Variants in DBF4B observed in about 807,000 individuals in gnomAD.
DBF4B encodes the protein DBF4B-CDC7 kinase regulatory subunit, also known as protein DBF4 homolog B.
DBF4B carries 49 observed loss-of-function variants against 53.4 expected under a neutral mutation model. That is an observed-to-expected ratio of 0.92 (90% confidence interval 0.73 to 1.16). DBF4B has a LOEUF of 1.16. DBF4B is among the 50% of genes most tolerant of loss of function. The probability of loss-of-function intolerance (pLI) is 0.00; values close to 1 mark genes in which losing one functional copy is unlikely to be tolerated. For missense variants in DBF4B, 692 were observed against 775.0 expected, an observed-to-expected ratio of 0.89 and a Z score of 1.27; for synonymous variants, 257 against 288.7, an observed-to-expected ratio of 0.89 and a Z score of 1.11.
chr17:44,744,085 C>A (rs1210778097), intron 10 of DBF4B, among the ~76,000 whole-genome samples: 2 of 47,532 alleles, frequency 4.2e-5, no homozygotes, highest in Non-Finnish European at 9.6e-5. Context: ...GAGACCACCC[C>A]CCCCCCCCCC....
intron 3 of DBF4B, among the ~76,000 whole-genome samples, chr17:44,728,407 G>A (rs970988246): frequency 6.6e-6 from 1 of 152,154 alleles, no homozygotes; most frequent in Admixed American, 6.6e-5. Flanking sequence ...TTGCAAAGGA[G>A]TGGGTATACT....
intron 7 of DBF4B, among the ~76,000 whole-genome samples, chr17:44,734,502 T>C (rs1378295728): frequency 6.6e-6 from 1 of 152,364 alleles, no homozygotes; most frequent in South Asian, 2.1e-4. Context: ...ATTCTGGAAC[T>C]TTCCCTGTAC....
intron 2 of DBF4B, among the ~76,000 whole-genome samples, chr17:44,712,301 C>CTTTT (rs1163777667): frequency 0.031 from 2,244 of 71,970 alleles, 17 homozygotes; most frequent in Middle Eastern, 0.042. Context: ...ATTATGTCTT[C>CTTTT]TTTTTTTTTT....
chr17:44,747,294 T>C, intron 11 of DBF4B, 97 bp from the exon 12 acceptor site: 1 of 1,595,786 alleles, frequency 6.3e-7, no homozygotes, highest in Non-Finnish European at 8.6e-7. Context: ...GCTATGGCTG[T>C]CCTCCAGGGC....
intron 9 of DBF4B, 105 bp from the exon 10 acceptor site, chr17:44,741,231 A>G: frequency 1.3e-6 from 1 of 780,004 alleles, no homozygotes; most frequent in Non-Finnish European, 2.3e-6. Flanking sequence ...TGTGGAGGTG[A>G]GAGTCCACTT....
chr17:44,742,238 C>G (rs1976121404), intron 10 of DBF4B, among the ~76,000 whole-genome samples: 1 of 151,434 alleles, frequency 6.6e-6, no homozygotes, highest in Admixed American at 6.6e-5. Flanking sequence ...CCCTTCTCTA[C>G]TAAAAATGCA....
Position 44,747,591 on chromosome 17 carries a change from G to A in DBF4B, c.1064+76G>A, listed in dbSNP as rs115453778. 1,521 of 1,564,540 alleles carry A rather than the reference G, an allele frequency of 9.7e-4. 4 individuals carry two copies. Among genetic ancestry groups the A allele is most frequent in the African/African-American group, 6.9e-3 (513 of 74,148 alleles). ...CCTCTGGGTGGGAAGAGACCCTCAG[G>A]TTGGTGGCTGCTGGGACCAGACTGT... On this transcript the variant is annotated intron_variant, in intron 12 of 13. Coordinates refer to ENST00000315005, the MANE Select transcript of DBF4B (RefSeq NM_145663.3).
rs368559759 is a variant in DBF4B, at chr17:44,750,921, G to A, written c.1516G>A (p.Ala506Thr). 1 of 1,614,200 alleles carries A rather than the reference G, an allele frequency of 6.2e-7. No individual in the cohort carries two copies. Among genetic ancestry groups the A allele is most frequent in the African/African-American group, 1.3e-5 (1 of 75,030 alleles). ...TGAAGCCAGACCGTGGCTTATGTCT[G>A]CACGCTGCTGGGTTCGTCCCTTTCC... Reference protein sequence around the residue: ...FPEARPWLMSARCWVRPFPFV... With the variant: ...FPEARPWLMSTRCWVRPFPFV... Residue 506 changes from alanine (A) to threonine (T), a missense_variant, in exon 14 of 14, where the codon GCA becomes ACA. Coordinates refer to ENST00000315005, the MANE Select transcript of DBF4B (RefSeq NM_145663.3).
In DBF4B at chr17:44,747,416, G is replaced by A. The variant is rs751383881; in HGVS notation, c.965G>A (p.Ser322Asn). 31 of 1,614,036 alleles carry A rather than the reference G, an allele frequency of 1.9e-5. No homozygotes were observed. Among genetic ancestry groups the A allele is most frequent in the Non-Finnish European group, 2.6e-5 (31 of 1,180,052 alleles). The change falls in exon 12 of 14, where the codon AGC becomes AAC. Residue 322 changes from serine to asparagine, a missense_variant. Coordinates refer to ENST00000315005, the MANE Select transcript of DBF4B (RefSeq NM_145663.3). ...CATCTTCAGAGTGCCCAGCACCGGA[G>A]CTTTGCCCTGGAAGCCCATCTATAT... ...HVHLQSAQHR[S>N]FALEAHLYAE...
chr17:44,732,326 A>G, intron 6 of DBF4B, 61 bp downstream of exon 6: 4 of 1,549,894 alleles, frequency 2.6e-6, no homozygotes, highest in Non-Finnish European at 3.5e-6. Flanking sequence ...CAGGAGTGTC[A>G]GCTTTTAGAA....
chr17:44,731,303 C>G, intron 5 of DBF4B: 1 of 353,628 alleles, frequency 2.8e-6, no homozygotes, highest in Non-Finnish European at 5.5e-6. Context: ...GTACAGAAGC[C>G]AGACTTCTTT....
intron 2 of DBF4B, chr17:44,720,153 C>A: frequency 3.0e-6 from 1 of 328,760 alleles, no homozygotes; most frequent in South Asian, 3.2e-5. Context: ...TGGTGATGAT[C>A]AGAATCGTCC....
At chr17:44,720,274 T>G (rs1276128436) in intron 2 of DBF4B, 7 of 283,958 alleles carry the variant, frequency 2.5e-5, no homozygotes, top group Non-Finnish European at 4.2e-5. Context: ...CTAGGCATTT[T>G]GTGAAGTTTA....
intron 5 of DBF4B, 118 bp from the exon 6 acceptor site, chr17:44,732,060 T>TC (rs1251267744): frequency 2.2e-6 from 2 of 889,820 alleles, no homozygotes; most frequent in Non-Finnish European, 1.8e-6. Flanking sequence ...CCTACCTGCC[T>TC]CCCTGCAGTC....
intron 3 of DBF4B, among the ~76,000 whole-genome samples, chr17:44,728,910 A>G (rs1012346740): frequency 2.6e-5 from 4 of 152,148 alleles, no homozygotes; most frequent in African/African-American, 9.7e-5. Flanking sequence ...CAGCCTGGCC[A>G]ACATGGTGAA....
Position 44,708,767 on chromosome 17 carries a change from A to G in DBF4B, c.-54A>G. ...AAGAGCTCATGGAGCTCGCGAATGT[A>G]ATACGGAGGCCTCTGAGGAAGGAGT... is the stretch of plus-strand genomic sequence containing the variant. On this transcript the variant is annotated 5_prime_UTR_variant, in exon 1 of 14. It removes the in-frame stop codon of an upstream open reading frame in the 5' UTR. Coordinates refer to ENST00000315005, the MANE Select transcript of DBF4B (RefSeq NM_145663.3). The G allele has an allele frequency of 1.9e-6, 3 of 1,545,302 alleles. No individual in the cohort carries two copies. The highest frequency in any genetic ancestry group is 2.6e-6 in the Non-Finnish European group (3 of 1,143,300).
intron 2 of DBF4B, among the ~76,000 whole-genome samples, chr17:44,714,111 G>A (rs1320164899): frequency 6.6e-6 from 1 of 152,108 alleles, no homozygotes; most frequent in Non-Finnish European, 1.5e-5. Flanking sequence ...TTGTAAGTGG[G>A]AGCTAAGCTG....
intron 3 of DBF4B, among the ~76,000 whole-genome samples, chr17:44,724,541 C>G (rs1170428894): frequency 6.6e-6 from 1 of 152,176 alleles, no homozygotes; most frequent in African/African-American, 2.4e-5. Context: ...CCACGCCCGG[C>G]TAATTTTTTT....
intron 2 of DBF4B, among the ~76,000 whole-genome samples, chr17:44,722,591 G>A (rs80280887): frequency 1.4e-3 from 219 of 152,262 alleles, no homozygotes; most frequent in African/African-American, 4.9e-3. Context: ...TGTCTGGTTT[G>A]GGGATCTGTC....
Sources: allele counts gnomAD v4.1 joint callset (sites outside exome capture counted in the v4.1 genomes callset), GRCh38; gene constraint gnomAD v4.1.1; transcripts MANE v1.5; gene names NCBI Gene and HGNC (gene_info 2026-07-23, HGNC 2026-07-21).